Variants in NRXN3 observed in about 807,000 individuals in gnomAD.
NRXN3 encodes neurexin 3, also known as neurexin III.
A neutral mutation model predicts 137.6 loss-of-function variants in NRXN3; 32 were observed. The observed-to-expected ratio is 0.23, with a 90% CI of 0.18 to 0.31. The LOEUF (loss-of-function observed/expected upper bound fraction) is 0.31, where lower values mean the gene tolerates loss of function less well. NRXN3 is among the 10% of genes least tolerant of loss of function. The pLI, the probability that NRXN3 is intolerant of heterozygous loss-of-function variation, is 1.00. For missense variants in NRXN3, 1,574 were observed against 2,062.5 expected, an observed-to-expected ratio of 0.76 and a Z score of 4.59; for synonymous variants, 798 against 784.5, an observed-to-expected ratio of 1.02 and a Z score of -0.29.
At chr14:78,776,348 C>A (rs2098744852) in intron 8 of NRXN3, among the ~76,000 whole-genome samples, 1 of 152,100 alleles carries the variant, frequency 6.6e-6, no homozygotes, top group South Asian at 2.1e-4. Flanking sequence ...TGATTAAATA[C>A]CTTCTTTGTG....
intron 4 of NRXN3, among the ~76,000 whole-genome samples, chr14:78,457,958 A>AC (rs2094799083): frequency 6.7e-6 from 1 of 150,040 alleles, no homozygotes; most frequent in African/African-American, 2.5e-5. Context: ...AGCAGGAGAC[A>AC]CCCCCCGCTC....
At chr14:79,235,144 G>C (rs764831339) in intron 15 of NRXN3, among the ~76,000 whole-genome samples, 25 of 152,046 alleles carry the variant, frequency 1.6e-4, no homozygotes, top group Admixed American at 7.2e-4. Context: ...ATTTATGAGA[G>C]ATCAATTCAT....
chr14:79,763,399 A>C (rs531994380), intron 19 of NRXN3, among the ~76,000 whole-genome samples: 1 of 67,616 alleles, frequency 1.5e-5, no homozygotes, highest in South Asian at 4.8e-4. Flanking sequence ...TAGTAGAATG[A>C]TTTATAATCC....
At chr14:79,690,549 G>T (rs2098712847) in intron 17 of NRXN3, among the ~76,000 whole-genome samples, 1 of 152,028 alleles carries the variant, frequency 6.6e-6, no homozygotes, top group African/African-American at 2.4e-5. Flanking sequence ...ACCAGATACA[G>T]TCCCAAAACA....
chr14:78,471,370 A>G (rs535577513), intron 4 of NRXN3, among the ~76,000 whole-genome samples: 2 of 151,952 alleles, frequency 1.3e-5, no homozygotes, highest in South Asian at 2.1e-4. Flanking sequence ...GAATCTGGAG[A>G]AAGTTCAAAG....
At chr14:78,984,788 T>G (rs2099498926) in intron 14 of NRXN3, among the ~76,000 whole-genome samples, 1 of 152,108 alleles carries the variant, frequency 6.6e-6, no homozygotes, top group African/African-American at 2.4e-5. Context: ...TGGGAATCAT[T>G]GTGTTAGGAA....
At chr14:78,687,352 A>G (rs1244418495) in intron 6 of NRXN3, among the ~76,000 whole-genome samples, 1 of 152,212 alleles carries the variant, frequency 6.6e-6, no homozygotes, top group Non-Finnish European at 1.5e-5. Context: ...AGATACATAG[A>G]TGGCTGTTAC....
chr14:79,592,375 T>G lies in NRXN3; in HGVS notation c.3445-71403T>G, dbSNP rs551928226. ...TACTTCAGTGCCCTGAGATAGTTTT[T>G]GTCTACTGTAATAAAATATTTCCAG... On this transcript the variant is annotated intron_variant, in intron 16 of 20. Transcript: ENST00000335750. Among the ~76,000 whole-genome samples the G allele has an allele frequency of 2.2e-4, 34 of 152,352 alleles. No homozygotes were observed. The East Asian group carries it at 6.4e-3, about 29-fold the overall frequency.
At chr14:78,937,447 G>A (rs888108439) in intron 10 of NRXN3, among the ~76,000 whole-genome samples, 2 of 152,282 alleles carry the variant, frequency 1.3e-5, no homozygotes, top group South Asian at 4.1e-4. Context: ...AGTCCTGTAA[G>A]CAGTAGTGGA....
intron 4 of NRXN3, among the ~76,000 whole-genome samples, chr14:78,386,100 AAG>A (rs2089940509): frequency 6.6e-6 from 1 of 152,172 alleles, no homozygotes; most frequent in South Asian, 2.1e-4. Context: ...TGTCTCCTTA[AAG>A]AGAGACGGGA....
chr14:79,589,948 G>A (rs1369227760), intron 16 of NRXN3, among the ~76,000 whole-genome samples: 1 of 152,176 alleles, frequency 6.6e-6, no homozygotes, highest in Non-Finnish European at 1.5e-5. Flanking sequence ...TGTAGCACAC[G>A]ATATGTGGCT....
chr14:78,194,774 A>G (rs2061074552), intron 1 of NRXN3, among the ~76,000 whole-genome samples: 1 of 152,182 alleles, frequency 6.6e-6, no homozygotes, highest in Non-Finnish European at 1.5e-5. Context: ...TAGAGTAGAT[A>G]TCTCAGTCTT....
intron 4 of NRXN3, among the ~76,000 whole-genome samples, chr14:78,587,876 T>A (rs76572173): frequency 3.9e-5 from 6 of 152,160 alleles, no homozygotes; most frequent in Non-Finnish European, 5.9e-5. Context: ...ATAGAATCTT[T>A]AGTTTGCTAC....
At chr14:79,230,443 A>G (rs1222391493) in intron 15 of NRXN3, among the ~76,000 whole-genome samples, 2 of 152,188 alleles carry the variant, frequency 1.3e-5, no homozygotes, top group Admixed American at 6.5e-5. Flanking sequence ...TGTTGAAGCA[A>G]TAGTCATTAT....
chr14:79,679,200 A>G (rs531651497), intron 17 of NRXN3, among the ~76,000 whole-genome samples: 37 of 152,238 alleles, frequency 2.4e-4, no homozygotes, highest in African/African-American at 7.2e-4. Context: ...TGGCACATAC[A>G]AAAGCATGCT....
intron 4 of NRXN3, among the ~76,000 whole-genome samples, chr14:78,495,846 A>G (rs1171373992): frequency 2.0e-5 from 3 of 152,230 alleles, no homozygotes; most frequent in Non-Finnish European, 1.5e-5. Context: ...CAGTCTGAAC[A>G]GACTCTTTTC....
chr14:79,120,770 A>G (rs1396997793), intron 15 of NRXN3, among the ~76,000 whole-genome samples: 1 of 152,218 alleles, frequency 6.6e-6, no homozygotes, highest in Non-Finnish European at 1.5e-5. Flanking sequence ...AAACCGTTCC[A>G]GCAGGAAATA....
At chr14:78,253,272 T>A (rs2068933035) in intron 2 of NRXN3, among the ~76,000 whole-genome samples, 1 of 152,260 alleles carries the variant, frequency 6.6e-6, no homozygotes, top group African/African-American at 2.4e-5. Flanking sequence ...GGATGAAGTG[T>A]GGATCATGTG....
At chr14:78,678,311 G>A (rs928175095) in intron 6 of NRXN3, among the ~76,000 whole-genome samples, 4 of 150,776 alleles carry the variant, frequency 2.7e-5, no homozygotes, top group African/African-American at 9.7e-5. Context: ...GTTACTTCAT[G>A]CTCCATACTT....
Sources: allele counts gnomAD v4.1 joint callset (sites outside exome capture counted in the v4.1 genomes callset), GRCh38; gene constraint gnomAD v4.1.1; transcripts MANE v1.5; gene names NCBI Gene and HGNC (gene_info 2026-07-23, HGNC 2026-07-21).